The following FDPS variants were observed in gnomAD, a reference collection of about 807,000 sequenced individuals.
The protein encoded by FDPS is farnesyl pyrophosphate synthase.
FDPS carries 29 observed loss-of-function variants against 49.5 expected under a neutral mutation model. The observed-to-expected ratio is 0.59, with a 90% CI of 0.44 to 0.80. The LOEUF is 0.80. FDPS is among the 30% of genes least tolerant of loss of function. The pLI, the probability that FDPS is intolerant of heterozygous loss-of-function variation, is 0.00. For missense variants in FDPS, 414 were observed against 525.6 expected (o/e 0.79, Z 2.08); for synonymous variants, 172 against 206.4 (o/e 0.83, Z 1.43).
At chr1:155,313,679 T>G (rs1649027256) in intron 4 of FDPS, among the ~76,000 whole-genome samples, 1 of 151,826 alleles carries the variant, frequency 6.6e-6, no homozygotes. Flanking sequence ...ATGACAGGGA[T>G]GCTGAGGGGC....
At chr1:155,317,271 C>G (rs1176007470) in intron 4 of FDPS, 1 of 152,162 alleles carries the variant, frequency 6.6e-6, no homozygotes, top group Non-Finnish European at 1.5e-5. Flanking sequence ...ATGAATAGAT[C>G]TTACTTTAAG....
At chr1:155,311,061 C>T (rs893382282) in intron 3 of FDPS, among the ~76,000 whole-genome samples, 4 of 151,880 alleles carry the variant, frequency 2.6e-5, no homozygotes, top group South Asian at 2.1e-4. Context: ...AGTCTTGGCC[C>T]GGCATGGTGG....
At chr1:155,310,462 C>T (rs1648681309) in intron 3 of FDPS, 2 of 445,020 alleles carry the variant, frequency 4.5e-6, no homozygotes, top group African/African-American at 2.0e-5. Flanking sequence ...AGGTGCGTGC[C>T]ACCACATCCA....
At chr1:155,312,219 A>G (rs749216760) in intron 3 of FDPS, 36 bp from the exon 4 acceptor site, 2 of 1,610,852 alleles carry the variant, frequency 1.2e-6, no homozygotes, top group South Asian at 1.1e-5. Context: ...TGCTGTATGG[A>G]CCCTGATACC....
At chr1:155,320,000 G>C in intron 10 of FDPS, 72 bp downstream of exon 10, 1 of 1,552,670 alleles carries the variant, frequency 6.4e-7, no homozygotes, top group Non-Finnish European at 8.8e-7. Context: ...ACTAGAGGCA[G>C]TTTTCCTCCC....
At chr1:155,314,350 CTTTTT>C (rs35440601) in intron 4 of FDPS, among the ~76,000 whole-genome samples, 153 of 143,092 alleles carry the variant, frequency 1.1e-3, no homozygotes, top group African/African-American at 3.8e-3. Flanking sequence ...CTCTACTTGG[CTTTTT>C]TTTTTTAGAG....
intron 4 of FDPS, among the ~76,000 whole-genome samples, chr1:155,315,262 AG>A (rs1649207929): frequency 1.3e-5 from 2 of 152,238 alleles, no homozygotes; most frequent in Admixed American, 6.5e-5. Flanking sequence ...CATGTCTTCT[AG>A]GCCAAGTGTA....
At chr1:155,319,477 G>A in intron 8 of FDPS, 134 bp from the exon 9 acceptor site, 2 of 895,214 alleles carry the variant, frequency 2.2e-6, no homozygotes, top group Non-Finnish European at 3.6e-6. Context: ...GACTGTCTAG[G>A]TCAGGGAAGC....
rs1033421075 is a variant in FDPS at position 155,309,486 on chromosome 1, A to G, written c.-1-303A>G. The stretch of plus-strand genomic sequence containing the variant: ...TGACTTAAGGGTCCTTTCAGCCCCT[A>G]ATCCTGGGGTACTTTACTCTGTACC... On this transcript the variant is annotated intron_variant, in intron 1 of 10. Coordinates refer to ENST00000368356, the MANE Select transcript of FDPS (RefSeq NM_002004.4). 3 of 289,666 alleles carry G rather than the reference A, an allele frequency of 1.0e-5. No individual in the cohort carries two copies. The Admixed American group carries it at 1.5e-4, about 14-fold the overall frequency. The allele number at this position is 289,666 out of a possible 1,614,324, so 17.9% of individuals were successfully genotyped here.
In FDPS at chr1:155,318,173, G is replaced by T; in HGVS notation, c.566G>T (p.Gly189Val). The T allele has an allele frequency of 1.2e-6, 2 of 1,614,098 alleles. No homozygotes were observed. Among genetic ancestry groups the T allele is most frequent in the Non-Finnish European group, 1.7e-6 (2 of 1,180,026 alleles). ...TTTTTCTGTCTGTCATGACAGCCGG[G>T]CGTGGGTTTGGATGCCATCAATGAT... Reference protein sequence around the residue: ...RGQICWYQKPGVGLDAINDAN... With the variant: ...RGQICWYQKPVVGLDAINDAN... Residue 189 changes from glycine (G) to valine (V), a missense_variant, in exon 6 of 11, where the codon GGC becomes GTC. Coordinates refer to ENST00000368356, the MANE Select transcript of FDPS (RefSeq NM_002004.4). The surrounding 1 kb of genome is among the most constrained non-coding windows in gnomAD (Gnocchi z 4.2).
intron 8 of FDPS, among the ~76,000 whole-genome samples, chr1:155,319,279 T>C (rs544785481): frequency 1.3e-4 from 20 of 152,314 alleles, no homozygotes; most frequent in African/African-American, 3.6e-4. Context: ...CTTCTCTACA[T>C]TTCCTTTTCA....
intron 3 of FDPS, among the ~76,000 whole-genome samples, chr1:155,311,207 C>A (rs931711581): frequency 6.6e-6 from 1 of 152,092 alleles, no homozygotes; most frequent in Non-Finnish European, 1.5e-5. Context: ...GGCGTGGTGG[C>A]GCCCACATGT....
chr1:155,309,884 G>A lies in FDPS; in HGVS notation c.95G>A (p.Arg32Gln), dbSNP rs376090181. 15 of 1,591,488 alleles carry A rather than the reference G, an allele frequency of 9.4e-6. No homozygotes were observed. The Admixed American group carries it at 1.1e-4, about 11-fold the overall frequency. The change falls in exon 2 of 11, where the codon CGG becomes CAG. Residue 32 changes from arginine to glutamine, a missense_variant. Physicochemically the swap from Arg to Gln is conservative, Grantham distance 43 (BLOSUM62 1). Transcript: ENST00000368356. ...PRERWLGSLR[R>Q]PSLVHGYPVL... ...GAGAGGTGGCTGGGTTCCCTACGGC[G>A]GCCCTCCCTGGTGCACGGGTACCCA... is the stretch of plus-strand genomic sequence containing the variant.
Position 155,312,243 on chromosome 1 carries a change from C to T in FDPS, c.340-12C>T. ...GACCCTGATACCCTGTACCTCTTTC[C>T]TTGCCCTCCAGGTCCTGGAGTACAA... On this transcript the variant is annotated splice_polypyrimidine_tract_variant and intron_variant, in intron 3 of 10. Transcript: ENST00000368356. 6.2e-7 allele frequency: 1 copy of T among 1,613,384 alleles called. No homozygotes were observed. The highest frequency in any genetic ancestry group is 8.5e-7 in the Non-Finnish European group (1 of 1,179,918).
At chr1:155,320,266 C>G in intron 10 of FDPS, 143 bp from the exon 11 acceptor site, 1 of 736,488 alleles carries the variant, frequency 1.4e-6, no homozygotes. Context: ...ATTTTAGCTA[C>G]GTAGAGACAC....
chr1:155,320,316 G>C, intron 10 of FDPS, 93 bp from the exon 11 acceptor site: 1 of 1,048,576 alleles, frequency 9.5e-7, no homozygotes, highest in Non-Finnish European at 1.4e-6. Context: ...TGGCTTTGGA[G>C]ATGTTCTGGA....
intron 3 of FDPS, 65 bp downstream of exon 3, chr1:155,310,270 C>A: frequency 6.7e-7 from 1 of 1,484,388 alleles, no homozygotes; most frequent in Non-Finnish European, 9.4e-7. Flanking sequence ...GTGTGGCATT[C>A]ACCTGTGGCT....
rs746349237 is a variant in FDPS at position 155,318,006 on chromosome 1, C to T, written c.546C>T (p.Ile182=). 1.9e-6 allele frequency: 3 copies of T among 1,613,958 alleles called. No homozygotes were observed. Among genetic ancestry groups the T allele is most frequent in the Non-Finnish European group, 2.5e-6 (3 of 1,180,008 alleles). ...CATCCCTTACCCGCCGGGGACAGAT[C>T]TGCTGGTATCAGAAGGTAATGTGGG... The part of the protein sequence containing the change: ...MDSSLTRRGQ[I]CWYQKPGVGL... The change falls in exon 5 of 11, where the codon ATC becomes ATT. Residue 182 remains isoleucine (I), a synonymous_variant. Coordinates refer to ENST00000368356, the MANE Select transcript of FDPS (RefSeq NM_002004.4). The surrounding 1 kb of genome is among the most constrained non-coding windows in gnomAD (Gnocchi z 4.2).
chr1:155,312,655 G>C (rs1386076531), intron 4 of FDPS: 2 of 404,900 alleles, frequency 4.9e-6, no homozygotes, highest in East Asian at 4.2e-5. Context: ...AGAGGTGTCA[G>C]CTCTTTCCTC....
Sources: gnomAD v4.1 joint callset for allele counts (sites outside exome capture counted in the v4.1 genomes callset) on GRCh38, gnomAD v4.1.1 for gene constraint, Gnocchi (gnomAD v3.1) non-coding constraint, MANE v1.5 for transcripts, NCBI Gene and HGNC (gene_info 2026-07-23, HGNC 2026-07-21) for gene names.